Variants in ZBTB20 observed in about 807,000 individuals in gnomAD.
The protein encoded by ZBTB20 is zinc finger and BTB domain-containing protein 20.
Under a neutral mutation model 56.9 loss-of-function variants are expected in ZBTB20, and 9 were observed. The ratio of observed to expected loss-of-function variants is 0.16; its 90% CI spans 0.10 to 0.28. The LOEUF is 0.28. Among genes scored for constraint, ZBTB20 ranks in the 10% least tolerant of loss-of-function variants. The pLI, the probability that ZBTB20 is intolerant of heterozygous loss-of-function variation, is 1.00. For missense variants in ZBTB20, 655 were observed against 1,003.0 expected, an observed-to-expected ratio of 0.65 and a Z score of 4.69; for synonymous variants, 417 against 420.7, an observed-to-expected ratio of 0.99 and a Z score of 0.11.
At chr3:115,119,115 A>C (rs2084107343) in intron 1 of ZBTB20, among the ~76,000 whole-genome samples, 1 of 152,172 alleles carries the variant, frequency 6.6e-6, no homozygotes, top group African/African-American at 2.4e-5. Flanking sequence ...ATAGTTGGTT[A>C]ATCACTTAGA....
intron 6 of ZBTB20, among the ~76,000 whole-genome samples, chr3:114,526,929 T>C (rs60087087): frequency 0.078 from 11,789 of 152,078 alleles, 599 homozygotes; most frequent in Middle Eastern, 0.16. Context: ...CCTTCTCCCC[T>C]CCTCCAGATC....
At chr3:114,656,204 C>G (rs943360262) in intron 6 of ZBTB20, among the ~76,000 whole-genome samples, 1 of 152,098 alleles carries the variant, frequency 6.6e-6, no homozygotes, top group Non-Finnish European at 1.5e-5. Context: ...CTTAGGGCTG[C>G]CTTTGAGATT....
intron 5 of ZBTB20, among the ~76,000 whole-genome samples, chr3:114,736,082 T>C (rs2066138340): frequency 6.6e-6 from 1 of 152,312 alleles, no homozygotes; most frequent in African/African-American, 2.4e-5. Flanking sequence ...GTTATCACAG[T>C]ATAAAGGTAA....
chr3:114,898,579 C>T (rs1400364775), intron 4 of ZBTB20, among the ~76,000 whole-genome samples: 4 of 152,080 alleles, frequency 2.6e-5, no homozygotes, highest in Admixed American at 2.6e-4. Flanking sequence ...TCTAATACAA[C>T]TCCAGAAATG....
intron 6 of ZBTB20, among the ~76,000 whole-genome samples, chr3:114,659,303 T>G (rs1212371420): frequency 1.3e-5 from 2 of 152,184 alleles, no homozygotes; most frequent in Admixed American, 1.3e-4. Flanking sequence ...TTAAAGTCTT[T>G]GTACACATTA....
At chr3:114,817,190 T>TACACAC (rs1491328231) in intron 4 of ZBTB20, among the ~76,000 whole-genome samples, 1 of 66,210 alleles carries the variant, frequency 1.5e-5, no homozygotes, top group Non-Finnish European at 2.7e-5. Flanking sequence ...TTATACAACT[T>TACACAC]ATACACACAC....
At chr3:114,899,016 C>G (rs1017886901) in intron 4 of ZBTB20, among the ~76,000 whole-genome samples, 7 of 151,820 alleles carry the variant, frequency 4.6e-5, no homozygotes, top group African/African-American at 1.7e-4. Flanking sequence ...TTGTCTATAT[C>G]AAAAATATAG....
chr3:114,738,736 T>C (rs1198841099), intron 5 of ZBTB20, among the ~76,000 whole-genome samples: 2 of 152,138 alleles, frequency 1.3e-5, no homozygotes, highest in Non-Finnish European at 2.9e-5. Flanking sequence ...GTCAATTAAG[T>C]AAAAATTCTG....
chr3:115,052,251 G>A (rs2081579129), intron 2 of ZBTB20, among the ~76,000 whole-genome samples: 1 of 152,014 alleles, frequency 6.6e-6, no homozygotes, highest in South Asian at 2.1e-4. Flanking sequence ...AAGGTCAGGA[G>A]ATCCAGACAA....
intron 2 of ZBTB20, among the ~76,000 whole-genome samples, chr3:115,059,784 C>T (rs1022824737): frequency 1.3e-5 from 2 of 152,050 alleles, no homozygotes; most frequent in African/African-American, 2.4e-5. Flanking sequence ...AAAGTACATC[C>T]AAGCATAAAA....
At chr3:114,514,440 G>T (rs2045754054) in intron 6 of ZBTB20, among the ~76,000 whole-genome samples, 1 of 152,156 alleles carries the variant, frequency 6.6e-6, no homozygotes, top group African/African-American at 2.4e-5. Context: ...TGGAGACAGG[G>T]CCCATAGGAG....
intron 1 of ZBTB20, among the ~76,000 whole-genome samples, chr3:115,089,713 T>C (rs888842029): frequency 9.2e-5 from 14 of 151,988 alleles, no homozygotes; most frequent in African/African-American, 3.1e-4. Context: ...CTTCAGTTTT[T>C]TCATCTAAAA....
intron 6 of ZBTB20, among the ~76,000 whole-genome samples, chr3:114,516,314 G>A (rs968865747): frequency 6.6e-6 from 1 of 151,990 alleles, no homozygotes; most frequent in African/African-American, 2.4e-5. Context: ...CAGCATTCAA[G>A]GATATATGCC....
intron 2 of ZBTB20, among the ~76,000 whole-genome samples, chr3:115,048,218 C>G (rs984218610): frequency 2.0e-5 from 3 of 152,070 alleles, no homozygotes; most frequent in African/African-American, 7.2e-5. Context: ...GAGCGAGACT[C>G]TGTCTCAAAA....
intron 6 of ZBTB20, among the ~76,000 whole-genome samples, chr3:114,560,108 T>C (rs2051816863): frequency 6.6e-6 from 1 of 152,200 alleles, no homozygotes; most frequent in Non-Finnish European, 1.5e-5. Flanking sequence ...AAACAATGAA[T>C]GCAATAATCT....
chr3:114,729,924 C>T (rs1384765721), intron 5 of ZBTB20, among the ~76,000 whole-genome samples: 1 of 151,112 alleles, frequency 6.6e-6, no homozygotes. Flanking sequence ...CCATCTTAGC[C>T]TCATGAGTAG....
At chr3:114,368,267 G>A (rs1191146284) in intron 10 of ZBTB20, among the ~76,000 whole-genome samples, 4 of 152,312 alleles carry the variant, frequency 2.6e-5, no homozygotes, top group African/African-American at 9.6e-5. Flanking sequence ...TGAAGTTCAT[G>A]TTAAAAAGAG....
chr3:114,994,293 G>C (rs974394323), intron 2 of ZBTB20, among the ~76,000 whole-genome samples: 1 of 151,772 alleles, frequency 6.6e-6, no homozygotes, highest in Non-Finnish European at 1.5e-5. Context: ...ATCAATAATT[G>C]AGAGAAAAAA....
At chr3:115,117,478 G>C (rs750132520) in intron 1 of ZBTB20, among the ~76,000 whole-genome samples, 3 of 151,848 alleles carry the variant, frequency 2.0e-5, no homozygotes, top group African/African-American at 7.3e-5. Flanking sequence ...TATAAAGCAG[G>C]GAATTCTCAT....
Sources: allele counts gnomAD v4.1 joint callset (sites outside exome capture counted in the v4.1 genomes callset), GRCh38; gene constraint gnomAD v4.1.1; transcripts MANE v1.5; gene names NCBI Gene and HGNC (gene_info 2026-07-23, HGNC 2026-07-21).